Variants in STK17A observed in about 807,000 individuals in gnomAD.
STK17A encodes serine/threonine kinase 17a, also known as serine/threonine-protein kinase 17A.
Under a neutral mutation model 43.7 loss-of-function variants are expected in STK17A, and 26 were observed. The observed-to-expected ratio is 0.60, with a 90% CI of 0.44 to 0.83. The LOEUF (loss-of-function observed/expected upper bound fraction) is 0.83. Ranked by LOEUF, STK17A falls within the 40% of genes least tolerant of loss-of-function variation. The probability of loss-of-function intolerance (pLI) is 0.00; values close to 1 mark genes in which losing one functional copy is unlikely to be tolerated. For missense variants in STK17A, 476 were observed against 511.6 expected (o/e 0.93, Z 0.67); for synonymous variants, 191 against 182.5 (o/e 1.05, Z -0.38).
At chr7:43,616,917 T>C (rs1468212086) in intron 3 of STK17A, among the ~76,000 whole-genome samples, 1 of 152,178 alleles carries the variant, frequency 6.6e-6, no homozygotes, top group Non-Finnish European at 1.5e-5. Flanking sequence ...GGACCATCTA[T>C]GCCTCAATTT....
chr7:43,610,432 G>A (rs570870599), intron 3 of STK17A, among the ~76,000 whole-genome samples: 3 of 147,426 alleles, frequency 2.0e-5, no homozygotes, highest in South Asian at 2.2e-4. Flanking sequence ...TTGGGAGGCC[G>A]AGCCAGGCAG....
At chr7:43,616,893 T>C (rs1036570550) in intron 3 of STK17A, among the ~76,000 whole-genome samples, 5 of 152,024 alleles carry the variant, frequency 3.3e-5, no homozygotes, top group African/African-American at 1.2e-4. Context: ...TGAGACTCCG[T>C]CTCAAAAAAG....
chr7:43,612,249 T>C (rs757654755), intron 3 of STK17A, among the ~76,000 whole-genome samples: 1 of 152,170 alleles, frequency 6.6e-6, no homozygotes, highest in Non-Finnish European at 1.5e-5. Flanking sequence ...TCTGCCTTCA[T>C]GCCCCTCCAT....
intron 1 of STK17A, among the ~76,000 whole-genome samples, chr7:43,586,469 T>G (rs1243290906): frequency 6.6e-6 from 1 of 151,234 alleles, no homozygotes; most frequent in Non-Finnish European, 1.5e-5. Flanking sequence ...AAACATTCTT[T>G]TATTGCTTGA....
At chr7:43,623,924 A>C in intron 6 of STK17A, 36 bp downstream of exon 6, 1 of 1,301,796 alleles carries the variant, frequency 7.7e-7, no homozygotes, top group Non-Finnish European at 9.9e-7. Context: ...TATTGAACTA[A>C]TTCAATATTA....
intron 1 of STK17A, among the ~76,000 whole-genome samples, chr7:43,586,206 T>C (rs566163165): frequency 6.6e-6 from 1 of 151,634 alleles, no homozygotes; most frequent in Admixed American, 6.6e-5. Context: ...TTCTATGGCC[T>C]TTCATTTAGT....
At position 43,624,778 on chromosome 7, in the gene STK17A, T is replaced by C; in HGVS notation, c.1181T>C (p.Ile394Thr). The C allele has an allele frequency of 6.2e-7, 1 of 1,612,328 alleles. No individual in the cohort carries two copies. ...AAAGAGAAAATGGAGCAAAAGGCCA[T>C]TTCCAAACGATTTAAATTTGAGGAA... ...SEKEKMEQKA[I>T]SKRFKFEEPL... is the part of the protein sequence containing the mutation. The change falls in exon 7 of 7, where the codon ATT becomes ACT. Residue 394 changes from isoleucine to threonine, a missense_variant. By Grantham distance (89) the Ile-to-Thr change is moderately conservative (BLOSUM62 -1). This residue lies in a region of STK17A where 110 missense variants were observed against 103.7 expected (regional missense o/e 1.06). Coordinates refer to ENST00000319357, the MANE Select transcript of STK17A (RefSeq NM_004760.3).
chr7:43,604,877 C>T (rs142538020), intron 2 of STK17A, among the ~76,000 whole-genome samples: 271 of 151,770 alleles, frequency 1.8e-3, no homozygotes, highest in African/African-American at 6.2e-3. Flanking sequence ...AGTCTTTTTT[C>T]CCTCCCTCTC....
chr7:43,620,543 G>A (rs1472692952), intron 4 of STK17A, among the ~76,000 whole-genome samples: 1 of 152,078 alleles, frequency 6.6e-6, no homozygotes, highest in Admixed American at 6.5e-5. Flanking sequence ...GCGTGATGGT[G>A]TGCACTTGTA....
At chr7:43,592,877 C>A (rs1249676594) in intron 1 of STK17A, among the ~76,000 whole-genome samples, 1 of 151,758 alleles carries the variant, frequency 6.6e-6, no homozygotes, top group African/African-American at 2.4e-5. Context: ...AAAACAACAA[C>A]AAAAAAGAAT....
chr7:43,601,240 T>C (rs2082552487), intron 2 of STK17A, among the ~76,000 whole-genome samples: 1 of 152,190 alleles, frequency 6.6e-6, no homozygotes, highest in Non-Finnish European at 1.5e-5. Flanking sequence ...TTCAAAAACA[T>C]GGTGTTCTTA....
intron 2 of STK17A, among the ~76,000 whole-genome samples, chr7:43,606,757 T>C (rs1218471279): frequency 6.6e-6 from 1 of 152,070 alleles, no homozygotes; most frequent in Non-Finnish European, 1.5e-5. Flanking sequence ...TCACATTTAG[T>C]GATATTAGTT....
At position 43,623,714 on chromosome 7, in the gene STK17A, T is replaced by C. The variant is rs774347943; in HGVS notation, c.746T>C (p.Ile249Thr). 1.4e-5 allele frequency: 22 copies of C among 1,606,020 alleles called. No homozygotes were observed. The highest frequency in any genetic ancestry group is 7.9e-5 in the South Asian group (7 of 88,582). ...PISMATDMWS[I>T]GVLTYVMLTG... is the part of the protein sequence containing the mutation. ...GCATTTTCTTTCTAATTTAGGAGCA[T>C]TGGAGTGTTAACATATGTCATGCTT... is the stretch of plus-strand genomic sequence containing the variant. The change falls in exon 6 of 7, where the codon ATT (isoleucine) becomes ACT (threonine). Residue 249 changes from isoleucine to threonine, a missense_variant. Around this residue, in one of 3 missense-constraint regions of STK17A, gnomAD observed 320 missense variants for 326.3 expected, o/e 0.98. Transcript: ENST00000319357.
At chr7:43,592,860 T>C (rs1206101597) in intron 1 of STK17A, among the ~76,000 whole-genome samples, 1 of 152,076 alleles carries the variant, frequency 6.6e-6, no homozygotes, top group Non-Finnish European at 1.5e-5. Context: ...AACGAGACTG[T>C]GTCTCAAAAA....
chr7:43,621,850 CTCT>C (rs2083925089), intron 4 of STK17A, among the ~76,000 whole-genome samples: 2 of 139,510 alleles, frequency 1.4e-5, no homozygotes, highest in Middle Eastern at 3.5e-3. Context: ...AGGGACTCTC[CTCT>C]TTTTCCTTCC....
At chr7:43,607,397 C>T (rs1376686213) in intron 2 of STK17A, among the ~76,000 whole-genome samples, 1 of 151,542 alleles carries the variant, frequency 6.6e-6, no homozygotes, top group Non-Finnish European at 1.5e-5. Context: ...GCCTGTAATC[C>T]CAGCACTTTG....
intron 2 of STK17A, among the ~76,000 whole-genome samples, chr7:43,598,790 G>A (rs146230300): frequency 6.6e-6 from 1 of 151,546 alleles, no homozygotes; most frequent in East Asian, 1.9e-4. Context: ...TTGAGACGGA[G>A]TCTTCCTCTG....
chr7:43,624,816 G>A lies in STK17A; in HGVS notation c.1219G>A (p.Glu407Lys), dbSNP rs1256454137. 1 of 1,603,420 alleles carries A rather than the reference G, an allele frequency of 6.2e-7. No individual in the cohort carries two copies. ...TAAATTTGAGGAACCTTTGCTACAA[G>A]AAATTCCAGGAGAATTTATCTACTG... ...RFKFEEPLLQ[E>K]IPGEFIY Residue 407 changes from glutamate to lysine, a missense_variant, in exon 7 of 7, where the codon GAA becomes AAA. By Grantham distance (56) the Glu-to-Lys change is moderately conservative. This residue lies in a region of STK17A where 110 missense variants were observed against 103.7 expected (regional missense o/e 1.06). Coordinates refer to ENST00000319357, the MANE Select transcript of STK17A (RefSeq NM_004760.3).
In STK17A at chr7:43,583,173, G is replaced by A. The variant is rs987087054; in HGVS notation, c.-71G>A. The stretch of plus-strand genomic sequence containing the variant: ...GCTCCGCGGACCGGCACTAGGAGCC[G>A]GGGGCGGGTCCGTGACCCTCCGGCT... On this transcript the variant is annotated 5_prime_UTR_variant, in exon 1 of 7. Transcript: ENST00000319357. The A allele has an allele frequency of 1.1e-5, 17 of 1,496,608 alleles. No homozygotes were observed. In the Admixed American group the frequency reaches 1.3e-4, roughly 11 times the overall value. The allele number at this position is 1,496,608 out of a possible 1,614,324, so 92.7% of individuals were successfully genotyped here.
Sources: gnomAD v4.1 joint callset for allele counts (sites outside exome capture counted in the v4.1 genomes callset) on GRCh38, gnomAD v4.1.1 for gene constraint, gnomAD v4.1.1 regional missense constraint, MANE v1.5 for transcripts, NCBI Gene and HGNC (gene_info 2026-07-23, HGNC 2026-07-21) for gene names.